The following SMYD3 variants were observed in gnomAD, a reference collection of about 807,000 sequenced individuals.
SMYD3 encodes SET and MYND domain containing 3.
A neutral mutation model predicts 57.7 loss-of-function variants in SMYD3; 36 were observed. The observed-to-expected ratio is 0.62, with a 90% CI of 0.48 to 0.82. The LOEUF (loss-of-function observed/expected upper bound fraction) is 0.82, where lower values mean the gene tolerates loss of function less well. Among genes scored for constraint, SMYD3 ranks in the 40% least tolerant of loss-of-function variants. The pLI, the probability that SMYD3 is intolerant of heterozygous loss-of-function variation, is 0.00. For synonymous variants in SMYD3, 211 were observed against 195.0 expected (o/e 1.08, Z -0.68); for missense variants, 515 against 538.8 (o/e 0.96, Z 0.44).
chr1:246,357,488 C>G (rs868061085), intron 1 of SMYD3, among the ~76,000 whole-genome samples: 2 of 152,148 alleles, frequency 1.3e-5, no homozygotes, highest in African/African-American at 4.8e-5. Context: ...ACATGGACAA[C>G]CAGCAGGCCT....
rs900942956 is a variant in SMYD3, at chr1:246,202,711, C to T, written c.531+124490G>A. Among the ~76,000 whole-genome samples, 3 of 152,210 alleles carry T rather than the reference C, an allele frequency of 2.0e-5. No homozygotes were observed. The highest frequency in any genetic ancestry group is 4.4e-5 in the Non-Finnish European group (3 of 68,040). Reference sequence around the variant, plus strand: ...ACAAAATATACTCCAAATCCTTTTCCATTCAATACATTATGATACCTGCTT... The same window carrying T: ...ACAAAATATACTCCAAATCCTTTTCTATTCAATACATTATGATACCTGCTT... On this transcript the variant is annotated intron_variant, in intron 5 of 11. Transcript: ENST00000490107. This position sits in a 1 kb window ranked among gnomAD's most constrained non-coding sequence, Gnocchi z 4.1.
At chr1:246,459,061 G>C (rs892961560) in intron 1 of SMYD3, among the ~76,000 whole-genome samples, 1 of 151,994 alleles carries the variant, frequency 6.6e-6, no homozygotes, top group African/African-American at 2.4e-5. Context: ...CTGATGGGGG[G>C]GTGACTGAAT....
chr1:245,831,152 C>T (rs2049809655), intron 10 of SMYD3, among the ~76,000 whole-genome samples: 1 of 152,202 alleles, frequency 6.6e-6, no homozygotes, highest in African/African-American at 2.4e-5. Flanking sequence ...CAGGGCCTCA[C>T]CCTCAGTTAT....
chr1:246,428,746 A>G (rs12747384), intron 1 of SMYD3, among the ~76,000 whole-genome samples: 148,447 of 150,060 alleles, frequency 0.99, 73,436 homozygotes, highest in East Asian at 1. Context: ...AAACCCGCGC[A>G]ATCTAGACCA....
At chr1:246,330,587 A>G in intron 3 of SMYD3, 50 bp from the exon 4 acceptor site, 1 of 1,494,418 alleles carries the variant, frequency 6.7e-7, no homozygotes, top group Non-Finnish European at 9.0e-7. Context: ...GTGTTCCAAT[A>G]TATAAACAAA....
chr1:246,292,701 C>G (rs192342931), intron 5 of SMYD3, among the ~76,000 whole-genome samples: 3 of 152,262 alleles, frequency 2.0e-5, no homozygotes, highest in Non-Finnish European at 4.4e-5. Context: ...ACAAGCTTCC[C>G]TTAAACAGAA....
At chr1:246,198,396 T>C (rs900428599) in intron 5 of SMYD3, among the ~76,000 whole-genome samples, 1 of 152,236 alleles carries the variant, frequency 6.6e-6, no homozygotes, top group Non-Finnish European at 1.5e-5. Context: ...TTTCTAATAT[T>C]CAAATGAGCT....
intron 5 of SMYD3, among the ~76,000 whole-genome samples, chr1:246,301,545 A>G (rs2064891610): frequency 6.6e-6 from 1 of 152,190 alleles, no homozygotes; most frequent in Admixed American, 6.5e-5. Context: ...TAATGAGAAT[A>G]TGTTTTAATA....
chr1:246,327,847 A>G (rs574553534), intron 4 of SMYD3, among the ~76,000 whole-genome samples: 4 of 152,224 alleles, frequency 2.6e-5, no homozygotes, highest in Non-Finnish European at 5.9e-5. Context: ...CATCATGAAT[A>G]GAACAGGGAT....
At position 246,327,221 on chromosome 1, in the gene SMYD3, G is replaced by C. The variant is rs2065369587; in HGVS notation, c.511C>G (p.Leu171Val). The C allele has an allele frequency of 1.9e-6, 3 of 1,614,102 alleles. No individual in the cohort carries two copies. The highest frequency in any genetic ancestry group is 2.5e-6 in the Non-Finnish European group (3 of 1,179,998). ...DASQLPPAFD[L>V]FEAFAKVICN... is the part of the protein sequence containing the mutation. The stretch of plus-strand genomic sequence containing the variant: ...CTTACTTTTGCAAAGGCTTCAAAAA[G>C]GTCAAAGGCAGGTGGCAGCTGAGAG... The change falls in exon 5 of 12, where the codon CTT (leucine) becomes GTT (valine). Residue 171 changes from leucine (L) to valine (V), a missense_variant. By Grantham distance (32) the Leu-to-Val change is conservative (BLOSUM62 1). Coordinates refer to ENST00000490107, the MANE Select transcript of SMYD3 (RefSeq NM_001167740.2).
chr1:246,426,069 A>G (rs2067213268), intron 1 of SMYD3: 1 of 152,206 alleles, frequency 6.6e-6, no homozygotes, highest in Non-Finnish European at 1.5e-5. Context: ...TTTAATCTAT[A>G]ACTGACTGAA....
chr1:246,329,548 T>C (rs1222207378), intron 4 of SMYD3, among the ~76,000 whole-genome samples: 1 of 152,190 alleles, frequency 6.6e-6, no homozygotes, highest in Non-Finnish European at 1.5e-5. Context: ...GTTTGTTTTT[T>C]TCTTGTTAAT....
intron 10 of SMYD3, among the ~76,000 whole-genome samples, chr1:245,853,841 G>A (rs1055609574): frequency 1.3e-5 from 2 of 152,156 alleles, no homozygotes; most frequent in African/African-American, 4.8e-5. Context: ...ACTACCAGCT[G>A]CATTATACTT....
chr1:246,075,872 T>C (rs868131777), intron 5 of SMYD3, among the ~76,000 whole-genome samples: 1 of 139,806 alleles, frequency 7.2e-6, no homozygotes, highest in African/African-American at 3.1e-5. Context: ...CTTTAGACTG[T>C]GAAAATTTAA....
chr1:246,120,442 C>T (rs918420930), intron 5 of SMYD3, among the ~76,000 whole-genome samples: 21 of 152,082 alleles, frequency 1.4e-4, no homozygotes, highest in African/African-American at 4.3e-4. Flanking sequence ...GGTCGCTTCC[C>T]GTATAGTTTT....
intron 5 of SMYD3, among the ~76,000 whole-genome samples, chr1:246,162,155 G>A (rs145440286): frequency 6.6e-6 from 1 of 152,174 alleles, no homozygotes; most frequent in African/African-American, 2.4e-5. Context: ...TCTAAAGTGA[G>A]AATGAGTGAA....
chr1:246,348,981 T>G (rs370045775), intron 2 of SMYD3, among the ~76,000 whole-genome samples: 20 of 152,090 alleles, frequency 1.3e-4, no homozygotes, highest in African/African-American at 4.6e-4. Flanking sequence ...TAGAATTCTG[T>G]ACCCTGTGGA....
chr1:246,318,618 C>T (rs1374207961), intron 5 of SMYD3, among the ~76,000 whole-genome samples: 1 of 152,080 alleles, frequency 6.6e-6, no homozygotes, highest in East Asian at 1.9e-4. Flanking sequence ...AAGGAAAAGC[C>T]AAAGCAATGA....
chr1:245,759,322 C>T (rs1407822642), intron 11 of SMYD3, among the ~76,000 whole-genome samples: 2 of 152,118 alleles, frequency 1.3e-5, no homozygotes, highest in African/African-American at 4.8e-5. Context: ...TCCCTCCCAC[C>T]TCCCCACACG....
Sources: allele counts gnomAD v4.1 joint callset (sites outside exome capture counted in the v4.1 genomes callset), GRCh38; gene constraint gnomAD v4.1.1; non-coding constraint Gnocchi (gnomAD v3.1); transcripts MANE v1.5; gene names NCBI Gene and HGNC (gene_info 2026-07-23, HGNC 2026-07-21).